Variants in LRRC37A observed in about 807,000 individuals in gnomAD.
LRRC37A encodes the protein leucine-rich repeat-containing protein 37A.
A neutral mutation model predicts 35.4 loss-of-function variants in LRRC37A; 3 were observed. That is an observed-to-expected ratio of 0.08 (90% CI 0.04 to 0.22). The LOEUF (loss-of-function observed/expected upper bound fraction) is 0.22. Among genes scored for constraint, LRRC37A ranks in the 10% least tolerant of loss-of-function variants. LRRC37A has a pLI of 1.00. For missense variants in LRRC37A, 67 were observed against 565.3 expected, an observed-to-expected ratio of 0.12 and a Z score of 8.94; for synonymous variants, 23 against 215.0, an observed-to-expected ratio of 0.11 and a Z score of 7.81.
the LRRC37A span, among the ~76,000 whole-genome samples, chr17:46,275,894 AT>A: frequency 0.13 from 18,732 of 148,332 alleles, 4 homozygotes; most frequent in Non-Finnish European, 0.19. Flanking sequence ...TTTATTCACA[AT>A]TTTTTTTTTT....
At chr17:46,291,138 T>A (rs758692133), upstream of LRRC37A, among the ~76,000 whole-genome samples, 1 of 152,232 alleles carries the variant, frequency 6.6e-6, no homozygotes, top group Admixed American at 6.5e-5. Flanking sequence ...AGACTGAACT[T>A]CTTCTTTGGT....
At chr17:46,256,127 G>A in the LRRC37A span, among the ~76,000 whole-genome samples, 2 of 151,730 alleles carry the variant, frequency 1.3e-5, no homozygotes, top group Non-Finnish European at 2.9e-5. Flanking sequence ...GCTCACCCCT[G>A]AAATCGCAGC....
Position 46,316,587 on chromosome 17 carries a change from C to A in LRRC37A, c.2907-5735C>A, listed in dbSNP as rs527269202. On this transcript the variant is annotated intron_variant, in intron 5 of 13. Transcript: ENST00000320254. ...GGTAGCTGAGACTACAGGCATGCAC[C>A]ACCATGCCCAGTTTTTTTTGTTTTT... Among the ~76,000 whole-genome samples the A allele has an allele frequency of 8.7e-4, 61 of 69,986 alleles. 17 individuals are homozygous for A. In the Middle Eastern group the frequency reaches 0.044, roughly 51 times the overall value. 45.9% of individuals were successfully genotyped at this position (69,986 alleles called of 152,430 possible). A position where few individuals can be genotyped will look rare whatever the true frequency, so the allele number is the denominator to read the frequency against.
At chr17:46,279,272 G>A in the LRRC37A span, among the ~76,000 whole-genome samples, 1 of 146,860 alleles carries the variant, frequency 6.8e-6, no homozygotes, top group Non-Finnish European at 1.5e-5. Flanking sequence ...CAACCTCCAC[G>A]TCTCAGGTTT....
chr17:46,265,547 C>T, the LRRC37A span, among the ~76,000 whole-genome samples: 1 of 151,704 alleles, frequency 6.6e-6, no homozygotes, highest in Non-Finnish European at 1.5e-5. Flanking sequence ...GGCACGATCT[C>T]GGCTCACTGC....
the LRRC37A span, among the ~76,000 whole-genome samples, chr17:46,251,849 G>A: frequency 1.3e-5 from 2 of 151,674 alleles, no homozygotes; most frequent in Non-Finnish European, 2.9e-5. Context: ...CCCTCATGGA[G>A]GCCCTTGCTG....
At chr17:46,271,048 A>G in the LRRC37A span, among the ~76,000 whole-genome samples, 30 of 152,234 alleles carry the variant, frequency 2.0e-4, no homozygotes, top group Non-Finnish European at 4.3e-4. Context: ...AAATTATTAA[A>G]AATACTTCTC....
upstream of LRRC37A, among the ~76,000 whole-genome samples, chr17:46,291,789 AC>A (rs1250426392): frequency 6.6e-6 from 1 of 151,616 alleles, no homozygotes; most frequent in Non-Finnish European, 1.5e-5. Context: ...AACAATAACA[AC>A]AAAAAACACC....
At chr17:46,277,739 T>C in the LRRC37A span, among the ~76,000 whole-genome samples, 4 of 151,654 alleles carry the variant, frequency 2.6e-5, no homozygotes, top group Non-Finnish European at 4.4e-5. Context: ...CTCCTCCTCC[T>C]GGGTTCAAAT....
chr17:46,289,595 CT>C (rs2050012000), upstream of LRRC37A, among the ~76,000 whole-genome samples: 1 of 152,182 alleles, frequency 6.6e-6, no homozygotes, highest in Non-Finnish European at 1.5e-5. Flanking sequence ...CCACCTTGGC[CT>C]CCCAAAGTGC....
chr17:46,258,671 T>C, the LRRC37A span, among the ~76,000 whole-genome samples: 1 of 152,024 alleles, frequency 6.6e-6, no homozygotes, highest in African/African-American at 2.4e-5. Flanking sequence ...ATTAATGGCA[T>C]TTGCAGCAAC....
upstream of LRRC37A, among the ~76,000 whole-genome samples, chr17:46,291,370 T>TGAGCAGGACTAAAACTGC (rs1446983636): frequency 1.3e-5 from 2 of 151,812 alleles, no homozygotes; most frequent in Non-Finnish European, 2.9e-5. Context: ...CACAAAACTG[T>TGAGCAGGACTAAAACTGC]GAGCAGGACT....
At chr17:46,266,005 G>A in the LRRC37A span, among the ~76,000 whole-genome samples, 22,057 of 152,106 alleles carry the variant, frequency 0.15, 2,139 homozygotes, top group Middle Eastern at 0.22. Context: ...GCTGAGGCAC[G>A]AGAATCGCTT....
chr17:46,277,459 A>T, the LRRC37A span, among the ~76,000 whole-genome samples: 1 of 152,196 alleles, frequency 6.6e-6, no homozygotes, highest in Admixed American at 6.5e-5. Flanking sequence ...CAATTTAAAA[A>T]AGCAATTTTA....
At chr17:46,269,301 A>G in the LRRC37A span, among the ~76,000 whole-genome samples, 6 of 152,210 alleles carry the variant, frequency 3.9e-5, no homozygotes, top group Non-Finnish European at 8.8e-5. Flanking sequence ...TGAGAGGCCG[A>G]GGCGGGTGGA....
At chr17:46,274,459 G>T in the LRRC37A span, among the ~76,000 whole-genome samples, 1 of 152,238 alleles carries the variant, frequency 6.6e-6, no homozygotes, top group Non-Finnish European at 1.5e-5. Flanking sequence ...TTGATTCGCA[G>T]TTGTGTGTGT....
chr17:46,279,500 C>CTTTTTTTTTTTTTTTTT, the LRRC37A span, among the ~76,000 whole-genome samples: 2 of 122,460 alleles, frequency 1.6e-5, no homozygotes, highest in Admixed American at 8.5e-5. Context: ...TTCTTTCTTT[C>CTTTTTTTTTTTTTTTTT]TTTTTTTTTT....
At chr17:46,290,173 C>T (rs1410314196), upstream of LRRC37A, among the ~76,000 whole-genome samples, 2 of 152,208 alleles carry the variant, frequency 1.3e-5, no homozygotes, top group African/African-American at 2.4e-5. Flanking sequence ...TTGATCGCCC[C>T]GGCTAGAGTA....
chr17:46,265,518 AC>A, the LRRC37A span, among the ~76,000 whole-genome samples: 2 of 122,418 alleles, frequency 1.6e-5, no homozygotes, highest in Non-Finnish European at 3.9e-5. Flanking sequence ...GGTCTCCGTC[AC>A]CCAGGCTGGA....
Sources: gnomAD v4.1 joint callset for allele counts (sites outside exome capture counted in the v4.1 genomes callset) on GRCh38, gnomAD v4.1.1 for gene constraint, MANE v1.5 for transcripts, NCBI Gene and HGNC (gene_info 2026-07-23, HGNC 2026-07-21) for gene names.